Variants in ATP6V0A1 observed in about 807,000 individuals in gnomAD.
The protein encoded by ATP6V0A1 is V-type proton ATPase 116 kDa subunit a 1.
ATP6V0A1 carries 43 observed loss-of-function variants against 105.4 expected under a neutral mutation model. That is an observed-to-expected ratio of 0.41 (90% CI 0.32 to 0.53). The LOEUF is 0.53. Ranked by LOEUF, ATP6V0A1 falls within the 20% of genes least tolerant of loss-of-function variation. The pLI is 0.30. For missense variants in ATP6V0A1, 676 were observed against 1,051.1 expected (o/e 0.64, Z 4.93); for synonymous variants, 362 against 372.8 (o/e 0.97, Z 0.33).
intron 11 of ATP6V0A1, among the ~76,000 whole-genome samples, chr17:42,492,331 T>C (rs1182424506): frequency 1.3e-5 from 2 of 151,982 alleles, no homozygotes; most frequent in Admixed American, 6.6e-5. Context: ...ATCATGCCAC[T>C]GCACTCCAGC....
intron 21 of ATP6V0A1, among the ~76,000 whole-genome samples, chr17:42,517,164 CAGCTACTCGGG>C (rs1168393226): frequency 6.6e-6 from 1 of 152,024 alleles, no homozygotes; most frequent in Admixed American, 6.6e-5. Context: ...CCTGTAATCC[CAGCTACTCGGG>C]AGGCTGAGGC....
chr17:42,468,488 C>T (rs1007897978), intron 4 of ATP6V0A1, among the ~76,000 whole-genome samples: 2 of 152,248 alleles, frequency 1.3e-5, no homozygotes, highest in East Asian at 3.9e-4. Flanking sequence ...TGCCTTCTAT[C>T]TAACTGTATG....
intron 17 of ATP6V0A1, among the ~76,000 whole-genome samples, chr17:42,504,734 C>G (rs2091907208): frequency 6.6e-6 from 1 of 152,182 alleles, no homozygotes; most frequent in Non-Finnish European, 1.5e-5. Context: ...CAATCCCCTA[C>G]TGACATTAAA....
chr17:42,517,152 C>T (rs1228534185), intron 21 of ATP6V0A1, among the ~76,000 whole-genome samples: 8 of 152,060 alleles, frequency 5.3e-5, no homozygotes, highest in Non-Finnish European at 7.4e-5. Flanking sequence ...TGATGGTGGG[C>T]GCCTGTAATC....
At chr17:42,488,001 T>A (rs1567836339) in intron 10 of ATP6V0A1, among the ~76,000 whole-genome samples, 1 of 152,218 alleles carries the variant, frequency 6.6e-6, no homozygotes. Context: ...AGTTTCCTGA[T>A]GCCCTCTCTG....
At chr17:42,482,940 G>C (rs957827442) in intron 8 of ATP6V0A1, 98 bp from the exon 9 acceptor site, 27 of 549,040 alleles carry the variant, frequency 4.9e-5, no homozygotes, top group Non-Finnish European at 7.5e-5. Flanking sequence ...ACATCGGTCT[G>C]ACCTAATCCT....
At chr17:42,516,401 T>C (rs1480445728) in intron 21 of ATP6V0A1, among the ~76,000 whole-genome samples, 1 of 152,042 alleles carries the variant, frequency 6.6e-6, no homozygotes, top group African/African-American at 2.4e-5. Flanking sequence ...GGCCTGGCTC[T>C]CTCCCTCCTG....
chr17:42,520,674 A>G (rs1210854391), intron 21 of ATP6V0A1: 4 of 436,170 alleles, frequency 9.2e-6, no homozygotes, highest in African/African-American at 2.0e-5. Flanking sequence ...GGGCTGTGTG[A>G]TCCCCTGCCA....
At chr17:42,507,652 C>G (rs1346581277) in intron 18 of ATP6V0A1, 25 bp downstream of exon 18, 1 of 1,591,512 alleles carries the variant, frequency 6.3e-7, no homozygotes, top group South Asian at 1.1e-5. Context: ...TGTGGGCTTT[C>G]TCTCCTTCCA....
chr17:42,502,868 A>C (rs534839844), intron 17 of ATP6V0A1: 1 of 152,688 alleles, frequency 6.5e-6, no homozygotes, highest in African/African-American at 2.4e-5. Context: ...CGGCTGCAAC[A>C]GTGAGTGAAT....
chr17:42,520,427 C>CT (rs1567880350), intron 21 of ATP6V0A1: 2 of 456,362 alleles, frequency 4.4e-6, no homozygotes, highest in Middle Eastern at 6.5e-4. Flanking sequence ...CAGGCTTTTT[C>CT]TTTTTAGTCC....
chr17:42,508,345 A>G (rs2092153065), intron 18 of ATP6V0A1, among the ~76,000 whole-genome samples: 1 of 152,350 alleles, frequency 6.6e-6, no homozygotes, highest in Admixed American at 6.5e-5. Flanking sequence ...TGATTTTTTA[A>G]AAAAGAAATC....
chr17:42,495,733 C>T lies in ATP6V0A1; in HGVS notation c.1560+17C>T, dbSNP rs1567847396. ...ATTGATCCAGTAAGAGGACTTCCTT[C>T]CTATATGCTAACCTCAAATTTTTTA... On this transcript the variant is annotated intron_variant, in intron 14 of 21. Coordinates refer to ENST00000343619, the MANE Select transcript of ATP6V0A1 (RefSeq NM_001130021.3). The T allele has an allele frequency of 1.3e-6, 2 of 1,591,740 alleles. No individual in the cohort carries two copies. The highest frequency in any genetic ancestry group is 1.7e-6 in the Non-Finnish European group (2 of 1,159,996).
At chr17:42,503,026 C>T (rs2091798959) in intron 17 of ATP6V0A1, among the ~76,000 whole-genome samples, 1 of 152,196 alleles carries the variant, frequency 6.6e-6, no homozygotes, top group Admixed American at 6.5e-5. Flanking sequence ...AGTTCCACCT[C>T]TTAAGAATAG....
At chr17:42,489,014 CAAA>C (rs1177722638) in intron 10 of ATP6V0A1, among the ~76,000 whole-genome samples, 2 of 96,730 alleles carry the variant, frequency 2.1e-5, no homozygotes, top group Non-Finnish European at 2.1e-5. Flanking sequence ...GACTCTGTCT[CAAA>C]AAAAAAAAAA....
chr17:42,482,942 C>A, intron 8 of ATP6V0A1, 96 bp from the exon 9 acceptor site: 1 of 661,862 alleles, frequency 1.5e-6, no homozygotes, highest in Non-Finnish European at 2.2e-6. Context: ...ATCGGTCTGA[C>A]CTAATCCTGT....
chr17:42,500,772 T>C lies in ATP6V0A1; in HGVS notation c.1745T>C (p.Leu582Ser). The change falls in exon 16 of 22, where the codon TTG becomes TCG. Residue 582 changes from leucine to serine, a missense_variant. Physicochemically the swap from Leu to Ser is moderately radical, Grantham distance 145. Transcript: ENST00000343619. ...CCTGAAATAATCTTCATGACCTCTT[T>C]GTTTGGCTATTTGGTTATCCTTATT... ...FIPEIIFMTS[L>S]FGYLVILIFY... is the part of the protein sequence containing the mutation. The C allele has an allele frequency of 6.2e-7, 1 of 1,614,100 alleles. No homozygotes were observed. The highest frequency in any genetic ancestry group is 8.5e-7 in the Non-Finnish European group (1 of 1,179,936).
chr17:42,463,497 G>A (rs1166611512), intron 2 of ATP6V0A1, among the ~76,000 whole-genome samples: 1 of 152,180 alleles, frequency 6.6e-6, no homozygotes, highest in Non-Finnish European at 1.5e-5. Flanking sequence ...TTTCTTGCAT[G>A]TATCCGTAGT....
chr17:42,501,179 C>T lies in ATP6V0A1; in HGVS notation c.1897-18C>T. 6 of 1,590,574 alleles carry T rather than the reference C, an allele frequency of 3.8e-6. No homozygotes were observed. The highest frequency in any genetic ancestry group is 4.3e-6 in the Non-Finnish European group (5 of 1,161,062). ...AGACTTTTATATGATGTACCTTGTC[C>T]TTCTTCTTACTCTGCAGAAAGGAAT... On this transcript the variant is annotated intron_variant, in intron 16 of 21. Coordinates refer to ENST00000343619, the MANE Select transcript of ATP6V0A1 (RefSeq NM_001130021.3).
Sources: gnomAD v4.1 joint callset for allele counts (sites outside exome capture counted in the v4.1 genomes callset) on GRCh38, gnomAD v4.1.1 for gene constraint, MANE v1.5 for transcripts, NCBI Gene and HGNC (gene_info 2026-07-23, HGNC 2026-07-21) for gene names.